The following NR6A1 variants were observed in gnomAD, a reference collection of about 807,000 sequenced individuals.
The protein encoded by NR6A1 is nuclear receptor subfamily 6 group A member 1, also known as retinoic acid receptor-related testis-associated receptor.
A neutral mutation model predicts 59.1 loss-of-function variants in NR6A1; 7 were observed. The observed-to-expected ratio is 0.12, with a 90% confidence interval of 0.07 to 0.22. The LOEUF (loss-of-function observed/expected upper bound fraction) is 0.22. Ranked by LOEUF, NR6A1 falls within the 10% of genes least tolerant of loss-of-function variation. NR6A1 has a pLI of 1.00. For missense variants in NR6A1, 468 were observed against 611.6 expected (o/e 0.77, Z 2.48); for synonymous variants, 243 against 236.1 (o/e 1.03, Z -0.27).
In NR6A1 at chr9:124,519,507, A is replaced by G. The variant is rs1377286926; in HGVS notation, c.*3198T>C. ...TTGTCTTGGGACAAGAAAACATCAA[A>G]AAGGAGAGGGAGGGAAAGGCTTGCA... On this transcript the variant is annotated 3_prime_UTR_variant, in exon 10 of 10. Coordinates refer to ENST00000487099, the MANE Select transcript of NR6A1 (RefSeq NM_033334.4). 4 of 152,182 alleles carry G rather than the reference A, an allele frequency of 2.6e-5. No homozygotes were observed. Among genetic ancestry groups the G allele is most frequent in the Admixed American group, 1.3e-4 (2 of 15,282 alleles). The allele number at this position is 152,182 out of a possible 1,614,324, so 9.4% of individuals were successfully genotyped here.
At chr9:124,701,839 T>G (rs1838962865) in intron 2 of NR6A1, among the ~76,000 whole-genome samples, 1 of 152,168 alleles carries the variant, frequency 6.6e-6, no homozygotes, top group South Asian at 2.1e-4. Context: ...TTCTCCTGCT[T>G]CAGCCTCCCG....
intron 2 of NR6A1, among the ~76,000 whole-genome samples, chr9:124,571,511 G>T (rs967296616): frequency 1.3e-5 from 2 of 152,208 alleles, no homozygotes; most frequent in Admixed American, 1.3e-4. Context: ...TGCTAGACAA[G>T]TTGACTGGAC....
chr9:124,657,210 A>G (rs1005159349), intron 2 of NR6A1, among the ~76,000 whole-genome samples: 9 of 152,212 alleles, frequency 5.9e-5, no homozygotes, highest in African/African-American at 2.2e-4. Flanking sequence ...AGACAAGAGA[A>G]TAATTCTGGG....
At chr9:124,532,209 G>A (rs1302895553) in intron 7 of NR6A1, among the ~76,000 whole-genome samples, 1 of 152,118 alleles carries the variant, frequency 6.6e-6, no homozygotes, top group Non-Finnish European at 1.5e-5. Flanking sequence ...AATTGCTTTT[G>A]ATTCCCTGCA....
intron 2 of NR6A1, among the ~76,000 whole-genome samples, chr9:124,650,732 T>TAAC (rs1354059418): frequency 1.1e-4 from 16 of 152,192 alleles, no homozygotes; most frequent in Admixed American, 2.0e-4. Flanking sequence ...TCAATTGAAG[T>TAAC]AACAACAACA....
intron 2 of NR6A1, among the ~76,000 whole-genome samples, chr9:124,629,218 C>T (rs1027010623): frequency 2.0e-5 from 3 of 152,092 alleles, no homozygotes; most frequent in African/African-American, 7.2e-5. Context: ...ACCTACAGAA[C>T]GATAAGTAAT....
intron 4 of NR6A1, 117 bp downstream of exon 4, chr9:124,543,685 G>A (rs549380688): frequency 2.9e-6 from 2 of 690,702 alleles, no homozygotes; most frequent in Admixed American, 7.0e-5. Flanking sequence ...TTACAGAAAT[G>A]AAAGCAAAGA....
At chr9:124,766,738 C>T (rs1446069261) in intron 1 of NR6A1, among the ~76,000 whole-genome samples, 2 of 152,166 alleles carry the variant, frequency 1.3e-5, no homozygotes, top group Non-Finnish European at 2.9e-5. Flanking sequence ...TTATGACCAG[C>T]CCCAAAGATC....
At chr9:124,600,388 T>A (rs954503579) in intron 2 of NR6A1, among the ~76,000 whole-genome samples, 1 of 152,154 alleles carries the variant, frequency 6.6e-6, no homozygotes, top group African/African-American at 2.4e-5. Context: ...ACTAAGAACA[T>A]CCTTGGATAC....
chr9:124,742,266 T>A (rs1840191066), intron 1 of NR6A1, among the ~76,000 whole-genome samples: 1 of 152,038 alleles, frequency 6.6e-6, no homozygotes, highest in African/African-American at 2.4e-5. Flanking sequence ...CAAGGAGTTT[T>A]AAAAAAATAA....
intron 2 of NR6A1, among the ~76,000 whole-genome samples, chr9:124,718,497 G>A (rs1232120738): frequency 6.6e-6 from 1 of 152,196 alleles, no homozygotes; most frequent in African/African-American, 2.4e-5. Flanking sequence ...TGTAAAATCT[G>A]TGCTTTAAGT....
chr9:124,522,534 G>A lies in NR6A1; in HGVS notation c.*171C>T. On this transcript the variant is annotated 3_prime_UTR_variant, in exon 10 of 10. Transcript: ENST00000487099. Reference sequence around the variant, plus strand: ...AACTCTGTCGTGAAATAAATATATAGAAAAATGAGGTTAAAAAAACAGACA... The same window carrying A: ...AACTCTGTCGTGAAATAAATATATAAAAAAATGAGGTTAAAAAAACAGACA... The A allele has an allele frequency of 2.0e-6, 1 of 494,634 alleles. No individual in the cohort carries two copies. 30.6% of individuals were successfully genotyped at this position (494,634 alleles called of 1,614,324 possible). A position where few individuals can be genotyped will look rare whatever the true frequency, so the allele number is the denominator to read the frequency against.
At chr9:124,556,430 A>G (rs1833927843) in intron 2 of NR6A1, among the ~76,000 whole-genome samples, 1 of 151,988 alleles carries the variant, frequency 6.6e-6, no homozygotes, top group South Asian at 2.1e-4. Flanking sequence ...GTGGCTCTGC[A>G]AACACTTTCA....
At chr9:124,524,657 C>T in intron 9 of NR6A1, 64 bp downstream of exon 9, 3 of 1,573,590 alleles carry the variant, frequency 1.9e-6, no homozygotes, top group Admixed American at 1.8e-5. Context: ...CACTGCTTGC[C>T]TCATTCCCTT....
intron 1 of NR6A1, among the ~76,000 whole-genome samples, chr9:124,734,481 C>G (rs1169560561): frequency 6.6e-6 from 1 of 152,078 alleles, no homozygotes; most frequent in African/African-American, 2.4e-5. Context: ...TCACTTGAGG[C>G]CAGGAATTCA....
chr9:124,723,031 T>C (rs772445303), intron 2 of NR6A1, among the ~76,000 whole-genome samples: 2 of 152,134 alleles, frequency 1.3e-5, no homozygotes, highest in Non-Finnish European at 2.9e-5. Context: ...CATATAAATA[T>C]ATATACATAC....
intron 1 of NR6A1, among the ~76,000 whole-genome samples, chr9:124,743,744 GA>G (rs1224326938): frequency 6.6e-6 from 1 of 152,230 alleles, no homozygotes; most frequent in Non-Finnish European, 1.5e-5. Flanking sequence ...ATCAAAAGGT[GA>G]AAACGGTTTA....
intron 1 of NR6A1, among the ~76,000 whole-genome samples, chr9:124,742,659 G>A (rs1265826958): frequency 1.3e-4 from 20 of 152,204 alleles, no homozygotes; most frequent in African/African-American, 4.1e-4. Flanking sequence ...GGCGGATCAC[G>A]AGGTCAGGAG....
rs1200311257 is a variant in NR6A1 at position 124,715,624 on chromosome 9, A to G, written c.142+17684T>C. ...TTCCCAAATGGACAGAGTCAATACA[A>G]TTCAATCAAAATCTCAGCAAGTTTT... On this transcript the variant is annotated intron_variant, in intron 2 of 9. Transcript: ENST00000487099. Among the ~76,000 whole-genome samples the G allele has an allele frequency of 3.3e-5, 5 of 152,162 alleles. No homozygotes were observed. In the East Asian group the frequency reaches 9.6e-4, roughly 29 times the overall value.
Sources: gnomAD v4.1 joint callset for allele counts (sites outside exome capture counted in the v4.1 genomes callset) on GRCh38, gnomAD v4.1.1 for gene constraint, MANE v1.5 for transcripts, NCBI Gene and HGNC (gene_info 2026-07-23, HGNC 2026-07-21) for gene names.